The following MTRF1 variants were observed in gnomAD, a reference collection of about 807,000 sequenced individuals.
MTRF1 encodes the protein mitochondrial translation release factor 1.
MTRF1 carries 51 observed loss-of-function variants against 62.9 expected under a neutral mutation model. That is an observed-to-expected ratio of 0.81 (90% confidence interval 0.65 to 1.02). The LOEUF is 1.02. MTRF1 is among the 50% of genes least tolerant of loss of function. MTRF1 has a pLI of 0.00. For synonymous variants in MTRF1, 158 were observed against 181.9 expected (o/e 0.87, Z 1.06); for missense variants, 446 against 530.0 (o/e 0.84, Z 1.56).
the MTRF1 span, chr13:41,311,440 A>G: frequency 7.9e-7 from 1 of 1,271,734 alleles, no homozygotes; most frequent in Non-Finnish European, 1.1e-6. Flanking sequence ...GACTCTCAGC[A>G]GCGGTTCGTC....
rs1234678162 is a variant in MTRF1, at chr13:41,216,948, C to A, written c.*167G>T. 1 of 426,722 alleles carries A rather than the reference C, an allele frequency of 2.3e-6. No homozygotes were observed. The highest frequency in any genetic ancestry group is 3.7e-5 in the East Asian group (1 of 26,790). 26.4% of individuals were successfully genotyped at this position (426,722 alleles called of 1,614,324 possible). ...CTTTACAGGAAACCTAAAATAAATTCTTAGGTCAGGAAATGTGACTTCGAT... is the reference window on the plus strand; with the variant it reads ...CTTTACAGGAAACCTAAAATAAATTATTAGGTCAGGAAATGTGACTTCGAT... On this transcript the variant is annotated 3_prime_UTR_variant, in exon 10 of 10. Transcript: ENST00000379480.
intron 5 of MTRF1, among the ~76,000 whole-genome samples, chr13:41,244,707 G>A (rs2038008045): frequency 6.6e-6 from 1 of 152,160 alleles, no homozygotes; most frequent in South Asian, 2.1e-4. Context: ...GCCCTGTGGA[G>A]AGGCCCTCGT....
chr13:41,261,316 A>G (rs1040793638), intron 1 of MTRF1: 3 of 156,700 alleles, frequency 1.9e-5, no homozygotes, highest in African/African-American at 7.2e-5. Flanking sequence ...CAAGGGGGAC[A>G]ATACCAAGAC....
In MTRF1 at chr13:41,232,463, T is replaced by C. The variant is rs536782967; in HGVS notation, c.988+1427A>G. Among the ~76,000 whole-genome samples the C allele has an allele frequency of 4.6e-5, 7 of 152,326 alleles. No homozygotes were observed. The East Asian group carries it at 1.3e-3, about 29-fold the overall frequency. ...GAAAGTATTTCAGAGCTGAAAGGCA[T>C]GAGTCTCTAAACTGAAAGCAACAAA... On this transcript the variant is annotated intron_variant, in intron 7 of 9. Transcript: ENST00000379480.
At chr13:41,296,495 C>T in the MTRF1 span, among the ~76,000 whole-genome samples, 3 of 152,056 alleles carry the variant, frequency 2.0e-5, no homozygotes, top group Non-Finnish European at 2.9e-5. Context: ...TCTAGTTGGG[C>T]CCCTGGAAAC....
At chr13:41,311,327 G>A in the MTRF1 span, 2 of 588,718 alleles carry the variant, frequency 3.4e-6, no homozygotes, top group South Asian at 2.0e-5. Context: ...GGGGAAGCGT[G>A]TCCTGCTCAG....
chr13:41,245,295 G>A lies in MTRF1; in HGVS notation c.698-4862C>T, dbSNP rs2038096521. On this transcript the variant is annotated intron_variant, in intron 5 of 9. Transcript: ENST00000379480. The stretch of plus-strand genomic sequence containing the variant: ...GTCTCACTCTGTCCTCTAGGCTGGA[G>A]TGCAGTGTCACAATCTTGGCTCACT... Among the ~76,000 whole-genome samples the A allele has an allele frequency of 2.6e-5, 4 of 151,436 alleles. No individual in the cohort carries two copies. The South Asian group carries it at 8.3e-4, about 32-fold the overall frequency.
the MTRF1 span, among the ~76,000 whole-genome samples, chr13:41,294,754 G>A: frequency 2.0e-5 from 3 of 152,258 alleles, no homozygotes; most frequent in East Asian, 3.9e-4. Flanking sequence ...GTCAGAGTAC[G>A]TTGTGATAAG....
chr13:41,295,624 GTTAC>G, the MTRF1 span, among the ~76,000 whole-genome samples: 1 of 152,022 alleles, frequency 6.6e-6, no homozygotes, highest in South Asian at 2.1e-4. Context: ...TAGGATTTTG[GTTAC>G]TTAGGAAAAC....
the MTRF1 span, among the ~76,000 whole-genome samples, chr13:41,298,145 G>T: frequency 6.6e-6 from 1 of 152,098 alleles, no homozygotes; most frequent in Admixed American, 6.5e-5. Context: ...AACTTATTAG[G>T]TTAGACAATT....
chr13:41,309,550 AT>A, the MTRF1 span, among the ~76,000 whole-genome samples: 2 of 151,978 alleles, frequency 1.3e-5, no homozygotes, highest in African/African-American at 2.4e-5. Context: ...CAGCAATGGG[AT>A]TGCTGTGGAC....
chr13:41,271,868 A>G, the MTRF1 span, among the ~76,000 whole-genome samples: 4 of 152,262 alleles, frequency 2.6e-5, no homozygotes, highest in African/African-American at 7.2e-5. Context: ...GACAAGCTGA[A>G]TTGAGATCAA....
At chr13:41,291,706 C>A in the MTRF1 span, among the ~76,000 whole-genome samples, 1 of 152,066 alleles carries the variant, frequency 6.6e-6, no homozygotes, top group Non-Finnish European at 1.5e-5. Flanking sequence ...AAATGTAGAA[C>A]AGATAAGCAA....
chr13:41,244,663 T>C (rs1036446846), intron 5 of MTRF1, among the ~76,000 whole-genome samples: 1 of 152,196 alleles, frequency 6.6e-6, no homozygotes, highest in Non-Finnish European at 1.5e-5. Flanking sequence ...TTGCATCACT[T>C]ACTTGGGAGA....
chr13:41,301,370 G>A, the MTRF1 span, among the ~76,000 whole-genome samples: 6 of 152,216 alleles, frequency 3.9e-5, no homozygotes, highest in Middle Eastern at 3.4e-3. Context: ...ACCCAACAAC[G>A]CACTATTATA....
the MTRF1 span, among the ~76,000 whole-genome samples, chr13:41,284,192 G>A: frequency 0.88 from 133,024 of 151,760 alleles, 58,401 homozygotes; most frequent in South Asian, 0.91. Flanking sequence ...AAAATTAAAA[G>A]TTAGCTGATT....
the MTRF1 span, among the ~76,000 whole-genome samples, chr13:41,287,515 G>C: frequency 6.6e-6 from 1 of 152,134 alleles, no homozygotes; most frequent in Non-Finnish European, 1.5e-5. Flanking sequence ...AAAAAATAAG[G>C]CTTTAAGAAG....
intron 7 of MTRF1, chr13:41,229,341 A>ACAACATTCTTGTGTTGTG: frequency 6.6e-6 from 1 of 152,346 alleles, no homozygotes; most frequent in South Asian, 2.1e-4. Flanking sequence ...GTGAACATTC[A>ACAACATTCTTGTGTTGTG]AAATCTTCTC....
the MTRF1 span, among the ~76,000 whole-genome samples, chr13:41,283,054 A>G: frequency 8.5e-5 from 13 of 152,232 alleles, no homozygotes; most frequent in African/African-American, 2.2e-4. Flanking sequence ...TATCCTCCCA[A>G]ATAGGATGAT....
Sources: allele counts gnomAD v4.1 joint callset (sites outside exome capture counted in the v4.1 genomes callset), GRCh38; gene constraint gnomAD v4.1.1; transcripts MANE v1.5; gene names NCBI Gene and HGNC (gene_info 2026-07-23, HGNC 2026-07-21).